CCDC171: variants seen among roughly 807,000 people sequenced by gnomAD.
CCDC171 encodes coiled-coil domain-containing protein 171.
A neutral mutation model predicts 168.2 loss-of-function variants in CCDC171; 177 were observed. That is an observed-to-expected ratio of 1.05 (90% confidence interval 0.93 to 1.19). The LOEUF (loss-of-function observed/expected upper bound fraction) is 1.19, where lower values mean the gene tolerates loss of function less well. CCDC171 is among the 50% of genes most tolerant of loss of function. The pLI, the probability that CCDC171 is intolerant of heterozygous loss-of-function variation, is 0.00. For missense variants in CCDC171, 1,991 were observed against 1,539.0 expected (o/e 1.29, Z -4.91); for synonymous variants, 687 against 540.8 (o/e 1.27, Z -3.75).
intron 8 of CCDC171, among the ~76,000 whole-genome samples, chr9:16,037,333 G>A (rs964113047): frequency 6.6e-6 from 1 of 152,224 alleles, no homozygotes; most frequent in African/African-American, 2.4e-5. Context: ...ATGATGCCAT[G>A]CAATCATGAA....
chr9:15,956,490 G>C (rs1354342370), intron 25 of CCDC171, among the ~76,000 whole-genome samples: 1 of 152,084 alleles, frequency 6.6e-6, no homozygotes, highest in Non-Finnish European at 1.5e-5. Flanking sequence ...ACAAATGTAG[G>C]TTTCCGAAGG....
At chr9:15,623,661 G>A (rs1385535089) in intron 7 of CCDC171, among the ~76,000 whole-genome samples, 1 of 152,050 alleles carries the variant, frequency 6.6e-6, no homozygotes, top group Admixed American at 6.6e-5. Context: ...AAAAAAATCT[G>A]TTCACTTTTG....
At chr9:15,892,187 C>T (rs1056354442) in intron 24 of CCDC171, among the ~76,000 whole-genome samples, 1 of 152,100 alleles carries the variant, frequency 6.6e-6, no homozygotes, top group East Asian at 1.9e-4. Context: ...TTTGAATAGC[C>T]TTTATTTCTT....
chr9:16,049,815 G>C (rs976611491), intron 1 of CCDC171, among the ~76,000 whole-genome samples: 1 of 152,068 alleles, frequency 6.6e-6, no homozygotes, highest in Non-Finnish European at 1.5e-5. Context: ...TATCCTATTG[G>C]TTCTGTCTCT....
At chr9:15,926,450 T>A (rs1825905342) in intron 25 of CCDC171, among the ~76,000 whole-genome samples, 1 of 151,630 alleles carries the variant, frequency 6.6e-6, no homozygotes, top group African/African-American at 2.4e-5. Flanking sequence ...TCCAGCTTTT[T>A]ACTTTATAAT....
chr9:15,742,310 G>A lies in CCDC171; in HGVS notation c.2050-1963G>A, dbSNP rs1401234426. On this transcript the variant is annotated intron_variant, in intron 16 of 25. Transcript: ENST00000380701. ...AGATAAAGTTAAGTTTCTTAGTGTA[G>A]CACATAAGGTACTCAGTCCTCTGTT... 2.6e-5 allele frequency among the ~76,000 whole-genome samples: 4 copies of A among 152,184 alleles called. No homozygotes were observed. In the East Asian group the frequency reaches 7.7e-4, roughly 29 times the overall value.
At chr9:15,682,713 A>G (rs1171791516) in intron 10 of CCDC171, among the ~76,000 whole-genome samples, 1 of 151,988 alleles carries the variant, frequency 6.6e-6, no homozygotes, top group Non-Finnish European at 1.5e-5. Context: ...TTTTCAACAT[A>G]GGACATCCAA....
intron 16 of CCDC171, among the ~76,000 whole-genome samples, chr9:15,730,783 A>G (rs1029500796): frequency 2.2e-4 from 34 of 151,986 alleles, no homozygotes. Context: ...TAAAAGTAGT[A>G]ATTTTTTCAT....
intron 25 of CCDC171, among the ~76,000 whole-genome samples, chr9:15,947,773 G>C (rs1828591438): frequency 6.7e-6 from 1 of 150,282 alleles, no homozygotes; most frequent in Admixed American, 6.6e-5. Flanking sequence ...TTTTCCCAGT[G>C]GTTCATAATG....
chr9:15,591,421 T>G lies in CCDC171; in HGVS notation c.408T>G (p.Thr136=), dbSNP rs1564001682. The part of the protein sequence containing the change: ...KTNETEKAFQ[T]SQQKWKEECR... ...ATGAGACTGAGAAAGCATTTCAGAC[T>G]TCTCAGCAAAAATGGAAAGAAGAAT... The change falls in exon 5 of 26, where the codon ACT becomes ACG. Residue 136 remains threonine, a synonymous_variant. Transcript: ENST00000380701. 2 of 1,609,558 alleles carry G rather than the reference T, an allele frequency of 1.2e-6. No individual in the cohort carries two copies. Among genetic ancestry groups the G allele is most frequent in the Non-Finnish European group, 1.7e-6 (2 of 1,178,564 alleles).
At chr9:15,758,035 A>G (rs1286547097) in intron 18 of CCDC171, among the ~76,000 whole-genome samples, 6 of 152,158 alleles carry the variant, frequency 3.9e-5, no homozygotes, top group African/African-American at 1.4e-4. Context: ...AATGTGGGGT[A>G]GGAGCCCCCA....
At chr9:16,097,043 G>C in the CCDC171 span, among the ~76,000 whole-genome samples, 7 of 152,262 alleles carry the variant, frequency 4.6e-5, no homozygotes, top group East Asian at 1.4e-3. Context: ...GTGATGAAGG[G>C]TATCCTTGGA....
intron 7 of CCDC171, among the ~76,000 whole-genome samples, chr9:15,625,697 C>T (rs897280824): frequency 6.6e-6 from 1 of 152,198 alleles, no homozygotes; most frequent in Non-Finnish European, 1.5e-5. Flanking sequence ...GGTAGCAGTA[C>T]TATGCTGTTT....
At chr9:16,077,947 A>G in the CCDC171 span, among the ~76,000 whole-genome samples, 95 of 152,304 alleles carry the variant, frequency 6.2e-4, no homozygotes, top group African/African-American at 2.3e-3. Context: ...GCAATTTATA[A>G]GATGAATAAA....
intron 25 of CCDC171, among the ~76,000 whole-genome samples, chr9:15,965,457 T>A (rs944135989): frequency 6.6e-5 from 10 of 152,228 alleles, no homozygotes; most frequent in Admixed American, 5.2e-4. Flanking sequence ...TTCACATCCC[T>A]TTCTACCATT....
At chr9:15,901,637 CT>C (rs1379713116) in intron 24 of CCDC171, among the ~76,000 whole-genome samples, 55 of 151,880 alleles carry the variant, frequency 3.6e-4, no homozygotes, top group African/African-American at 1.3e-3. Context: ...TAAATTATAC[CT>C]TATTTATAAA....
chr9:16,103,032 T>C, the CCDC171 span, among the ~76,000 whole-genome samples: 26,214 of 152,264 alleles, frequency 0.17, 2,612 homozygotes, highest in Non-Finnish European at 0.21. Flanking sequence ...GCAATTGCTC[T>C]TCAAGCTTTG....
chr9:16,000,105 G>A (rs1301094080), intron 3 of CCDC171, among the ~76,000 whole-genome samples: 1 of 152,102 alleles, frequency 6.6e-6, no homozygotes, highest in Non-Finnish European at 1.5e-5. Context: ...TAGGCTTTGG[G>A]GGCAGGATAA....
intron 1 of CCDC171, among the ~76,000 whole-genome samples, chr9:15,558,240 T>C (rs1419714267): frequency 6.6e-6 from 1 of 152,206 alleles, no homozygotes; most frequent in East Asian, 1.9e-4. Context: ...ATCAGGATGA[T>C]GCTGGCCTCA....
Sources: allele counts gnomAD v4.1 joint callset (sites outside exome capture counted in the v4.1 genomes callset), GRCh38; gene constraint gnomAD v4.1.1; transcripts MANE v1.5; gene names NCBI Gene and HGNC (gene_info 2026-07-23, HGNC 2026-07-21).